Variants in ARHGEF10 observed in about 807,000 individuals in gnomAD.
ARHGEF10 encodes Rho guanine nucleotide exchange factor 10.
Under a neutral mutation model 147.4 loss-of-function variants are expected in ARHGEF10, and 140 were observed. That is an observed-to-expected ratio of 0.95 (90% CI 0.83 to 1.09). ARHGEF10 has a LOEUF of 1.09. Ranked by LOEUF, ARHGEF10 falls within the 50% of genes least tolerant of loss-of-function variation. The pLI is 0.00. For synonymous variants in ARHGEF10, 902 were observed against 695.8 expected (o/e 1.30, Z -4.67); for missense variants, 2,222 against 1,752.7 (o/e 1.27, Z -4.78).
Position 1,859,753 on chromosome 8 carries a change from C to A in ARHGEF10, c.194-144C>A. ...CATGTGTGAGTGCTCCCTCCGAGGC[C>A]ACCTGATGACCTGGGAACGTCTAGG... On this transcript the variant is annotated intron_variant, in intron 3 of 28. Transcript: ENST00000349830. 3.0e-6 allele frequency: 3 copies of A among 988,998 alleles called. No individual in the cohort carries two copies. In the South Asian group the frequency reaches 4.1e-5, roughly 13 times the overall value. 61.3% of individuals were successfully genotyped at this position (988,998 alleles called of 1,614,324 possible).
chr8:1,827,362 T>C (rs1802831167), intron 1 of ARHGEF10, among the ~76,000 whole-genome samples: 1 of 152,148 alleles, frequency 6.6e-6, no homozygotes, highest in Admixed American at 6.5e-5. Context: ...CAGGCTGGAG[T>C]GCAGTGGAGA....
At chr8:1,910,649 C>G (rs1811288771) in intron 18 of ARHGEF10, among the ~76,000 whole-genome samples, 1 of 152,136 alleles carries the variant, frequency 6.6e-6, no homozygotes, top group South Asian at 2.1e-4. Context: ...ACAGAGAAAT[C>G]ATTTCTGACA....
rs1158046295 is a variant in ARHGEF10 at position 1,887,964 on chromosome 8, CACTG to C, written c.1182+2258_1182+2261del. On this transcript the variant is annotated intron_variant, in intron 11 of 28. Transcript: ENST00000349830. The stretch of plus-strand genomic sequence containing the variant: ...TTGGGGTGAGGGGTCTGTGATGAGA[CACTG>C]TGAGTGGGGTGAGAGTTGTGAAGAG... Among the ~76,000 whole-genome samples, 35 of 147,152 alleles carry C rather than the reference CACTG, an allele frequency of 2.4e-4. No individual in the cohort carries two copies. The East Asian group carries it at 4.6e-3, about 19-fold the overall frequency.
intron 18 of ARHGEF10, among the ~76,000 whole-genome samples, chr8:1,911,307 C>G (rs930704771): frequency 6.6e-6 from 1 of 151,974 alleles, no homozygotes; most frequent in Admixed American, 6.6e-5. Flanking sequence ...TTTATCACGT[C>G]TCTATGGAAA....
intron 17 of ARHGEF10, among the ~76,000 whole-genome samples, chr8:1,906,708 C>T (rs1207816082): frequency 1.3e-5 from 2 of 152,182 alleles, no homozygotes; most frequent in African/African-American, 2.4e-5. Context: ...TCGGACTCCT[C>T]ATCCGTGCAA....
chr8:1,884,344 C>T (rs374778148), intron 10 of ARHGEF10, among the ~76,000 whole-genome samples: 8 of 150,996 alleles, frequency 5.3e-5, no homozygotes, highest in Non-Finnish European at 1.2e-4. Context: ...TGCAGTGAGC[C>T]GAGATTGCGC....
At chr8:1,932,640 T>G (rs1443657865) in intron 25 of ARHGEF10, among the ~76,000 whole-genome samples, 2 of 152,228 alleles carry the variant, frequency 1.3e-5, no homozygotes, top group Non-Finnish European at 2.9e-5. Context: ...GGCTAATAAT[T>G]ACCCTACAAC....
chr8:1,860,003 C>A lies in ARHGEF10; in HGVS notation c.300C>A (p.Phe100Leu), dbSNP rs773363141. Residue 100 changes from phenylalanine to leucine, a missense_variant, in exon 4 of 29, where the codon TTC becomes TTA. Physicochemically the swap from Phe to Leu is conservative, Grantham distance 22 (BLOSUM62 0). Transcript: ENST00000349830. ...NPYSVIDITPFQEDQPPTPVP... is the reference protein window; with the variant it reads ...NPYSVIDITPLQEDQPPTPVP... ...ATTCTGTCATCGACATCACGCCATT[C>A]CAGGAGGACCAGCCGCCCACCCCCG... 1.2e-5 allele frequency: 19 copies of A among 1,614,014 alleles called. No individual in the cohort carries two copies. Among genetic ancestry groups the A allele is most frequent in the Non-Finnish European group, 1.6e-5 (19 of 1,180,012 alleles).
At position 1,928,471 on chromosome 8, in the gene ARHGEF10, G is replaced by C. The variant is rs778226698; in HGVS notation, c.2742G>C (p.Ser914=). 6.2e-7 allele frequency: 1 copy of C among 1,614,088 alleles called. No homozygotes were observed. The highest frequency in any genetic ancestry group is 2.2e-5 in the East Asian group (1 of 44,884). ...AAATGGGTCAGATTGCCATCGTCTC[G>C]TTTCAAAATTCCACTCCCAAAGTCA... The part of the protein sequence containing the change: ...THQMGQIAIV[S]FQNSTPKVIE... The change falls in exon 24 of 29, where the codon TCG becomes TCC. Residue 914 remains serine (S), a synonymous_variant. Coordinates refer to ENST00000349830, the MANE Select transcript of ARHGEF10 (RefSeq NM_014629.4).
In ARHGEF10 at chr8:1,909,461, G is replaced by A. The variant is rs1057523214; in HGVS notation, c.2134G>A (p.Ala712Thr). The change falls in exon 18 of 29, where the codon GCG (alanine) becomes ACG (threonine). Residue 712 changes from alanine (A) to threonine (T), a missense_variant. Physicochemically the swap from Ala to Thr is moderately conservative, Grantham distance 58 (BLOSUM62 0). Coordinates refer to ENST00000349830, the MANE Select transcript of ARHGEF10 (RefSeq NM_014629.4). ...GGAGAGCCTGGCCGTGGTTGCTAACGCGAAACCAAGTAAGTGATGCTTTCT... is the reference window on the plus strand; with the variant it reads ...GGAGAGCCTGGCCGTGGTTGCTAACACGAAACCAAGTAAGTGATGCTTTCT... ...PPESLAVVAN[A>T]KPNKVYMGPG... 9 of 1,613,912 alleles carry A rather than the reference G, an allele frequency of 5.6e-6. No individual in the cohort carries two copies. Among genetic ancestry groups the A allele is most frequent in the East Asian group, 2.2e-5 (1 of 44,890 alleles).
intron 3 of ARHGEF10, 148 bp from the exon 4 acceptor site, chr8:1,859,749 A>C: frequency 1.1e-6 from 1 of 941,220 alleles, no homozygotes; most frequent in Non-Finnish European, 1.7e-6. Flanking sequence ...GCTCCCTCCG[A>C]GGCCACCTGA....
chr8:1,839,623 G>A (rs1235998818), intron 1 of ARHGEF10, among the ~76,000 whole-genome samples: 1 of 142,668 alleles, frequency 7.0e-6, no homozygotes, highest in East Asian at 2.3e-4. Context: ...ACTGTCTGGT[G>A]TGGAAGCTGT....
intron 4 of ARHGEF10, among the ~76,000 whole-genome samples, chr8:1,861,127 G>A (rs1179371555): frequency 6.6e-6 from 1 of 152,226 alleles, no homozygotes; most frequent in African/African-American, 2.4e-5. Flanking sequence ...TGTGTCCTCA[G>A]CGCTGACAGC....
chr8:1,952,951 A>C, intron 28 of ARHGEF10, 124 bp downstream of exon 28: 1 of 1,392,890 alleles, frequency 7.2e-7, no homozygotes, highest in Admixed American at 1.9e-5. Flanking sequence ...GTGGTTTTTC[A>C]GTGTATTATA....
intron 11 of ARHGEF10, among the ~76,000 whole-genome samples, chr8:1,893,251 A>C (rs1809698069): frequency 6.6e-6 from 1 of 152,202 alleles, no homozygotes; most frequent in African/African-American, 2.4e-5. Flanking sequence ...ATCTACCTGA[A>C]TGTTGGATAC....
chr8:1,858,236 G>C, intron 3 of ARHGEF10, 121 bp downstream of exon 3: 1 of 907,720 alleles, frequency 1.1e-6, no homozygotes, highest in East Asian at 2.7e-5. Flanking sequence ...GAGTCCCCAG[G>C]TGGGTCCCCA....
At chr8:1,928,949 C>T (rs548302871) in intron 24 of ARHGEF10, among the ~76,000 whole-genome samples, 3 of 152,278 alleles carry the variant, frequency 2.0e-5, no homozygotes, top group South Asian at 4.1e-4. Context: ...GGACATTCCC[C>T]CCTTATATTT....
Position 1,923,788 on chromosome 8 carries a change from C to T in ARHGEF10, c.2402C>T (p.Thr801Met), listed in dbSNP as rs763605562. 9.9e-6 allele frequency: 16 copies of T among 1,614,056 alleles called. No individual in the cohort carries two copies. Among genetic ancestry groups the T allele is most frequent in the Admixed American group, 5.0e-5 (3 of 60,000 alleles). The stretch of plus-strand genomic sequence containing the variant: ...GTTTCTGGCAGATCTGGGCGACCGA[C>T]GTTCTTTACAGCTGTGTTCAATACG... The part of the protein sequence containing the change: ...PGKQDKSGRP[T>M]FFTAVFNTFT... The change falls in exon 21 of 29, where the codon ACG becomes ATG. Residue 801 changes from threonine to methionine, a missense_variant. Transcript: ENST00000349830.
intron 8 of ARHGEF10, among the ~76,000 whole-genome samples, chr8:1,878,740 C>A (rs1042477017): frequency 6.6e-6 from 1 of 152,178 alleles, no homozygotes. Flanking sequence ...TTCAGGAGAC[C>A]CTGCCCTTGC....
Sources: allele counts gnomAD v4.1 joint callset (sites outside exome capture counted in the v4.1 genomes callset), GRCh38; gene constraint gnomAD v4.1.1; transcripts MANE v1.5; gene names NCBI Gene and HGNC (gene_info 2026-07-23, HGNC 2026-07-21).